Variants in DAPK1 observed in about 807,000 individuals in gnomAD.
The protein encoded by DAPK1 is death-associated protein kinase 1.
In DAPK1, 56 loss-of-function variants were observed where a neutral mutation model predicts 144.9. That is an observed-to-expected ratio of 0.39 (90% CI 0.31 to 0.48). The LOEUF is 0.48. DAPK1 is among the 20% of genes least tolerant of loss of function. DAPK1 has a pLI of 0.95. For synonymous variants in DAPK1, 690 were observed against 749.0 expected (o/e 0.92, Z 1.29); for missense variants, 1,454 against 1,875.4 (o/e 0.78, Z 4.15).
intron 2 of DAPK1, among the ~76,000 whole-genome samples, chr9:87,599,626 T>G (rs973363779): frequency 6.6e-6 from 1 of 152,240 alleles, no homozygotes; most frequent in Non-Finnish European, 1.5e-5. Flanking sequence ...GTGGAAAGTT[T>G]TTAATATTAA....
At chr9:87,682,836 C>T (rs896652324) in intron 20 of DAPK1, among the ~76,000 whole-genome samples, 12 of 152,078 alleles carry the variant, frequency 7.9e-5, no homozygotes, top group Non-Finnish European at 1.0e-4. Flanking sequence ...TTCTCTGAGG[C>T]GCACAGGTGG....
chr9:87,675,796 T>C (rs1477847037), intron 19 of DAPK1, among the ~76,000 whole-genome samples: 1 of 150,264 alleles, frequency 6.7e-6, no homozygotes, highest in Non-Finnish European at 1.5e-5. Flanking sequence ...TACTCCTGTG[T>C]AAATATTTAA....
chr9:87,670,942 T>C (rs903426020), intron 19 of DAPK1, among the ~76,000 whole-genome samples: 1 of 152,178 alleles, frequency 6.6e-6, no homozygotes, highest in Non-Finnish European at 1.5e-5. Flanking sequence ...CAATGGTCCC[T>C]TCTTTGACTT....
At chr9:87,565,014 A>T (rs1485729698) in intron 2 of DAPK1, among the ~76,000 whole-genome samples, 1 of 152,184 alleles carries the variant, frequency 6.6e-6, no homozygotes, top group East Asian at 1.9e-4. Context: ...TGTGTCTGGG[A>T]AAACACAGTG....
At chr9:87,679,642 T>C (rs749189623) in intron 19 of DAPK1, among the ~76,000 whole-genome samples, 9 of 152,206 alleles carry the variant, frequency 5.9e-5, no homozygotes, top group Non-Finnish European at 1.0e-4. Context: ...GGGCTGAATC[T>C]AGATTTTCCT....
intron 17 of DAPK1, among the ~76,000 whole-genome samples, chr9:87,653,410 G>C (rs1830525382): frequency 1.3e-5 from 2 of 152,204 alleles, no homozygotes; most frequent in African/African-American, 4.8e-5. Flanking sequence ...CATTTTACAT[G>C]TGACTTTTGA....
intron 22 of DAPK1, 147 bp from the exon 23 acceptor site, chr9:87,698,509 G>A: frequency 1.5e-6 from 1 of 660,026 alleles, no homozygotes; most frequent in Non-Finnish European, 2.7e-6. Context: ...TGCACAGCAG[G>A]CGTGGGGCCT....
intron 3 of DAPK1, among the ~76,000 whole-genome samples, chr9:87,635,989 C>G (rs1430187496): frequency 1.3e-5 from 2 of 152,244 alleles, no homozygotes; most frequent in Non-Finnish European, 2.9e-5. Context: ...CTTTTTCCCC[C>G]CTATAGTTGA....
intron 21 of DAPK1, among the ~76,000 whole-genome samples, chr9:87,693,841 G>A (rs1235474458): frequency 6.6e-6 from 1 of 152,146 alleles, no homozygotes; most frequent in East Asian, 1.9e-4. Flanking sequence ...AGCAGCTCCA[G>A]TGGTGCCTGT....
intron 10 of DAPK1, among the ~76,000 whole-genome samples, 169 bp from the exon 11 acceptor site, chr9:87,643,207 G>A (rs1176076256): frequency 6.6e-6 from 1 of 152,122 alleles, no homozygotes; most frequent in Non-Finnish European, 1.5e-5. Flanking sequence ...CCATTCTGCT[G>A]TAGGATTGCC....
chr9:87,698,629 C>T lies in DAPK1; in HGVS notation c.2612-27C>T, dbSNP rs993616007. On this transcript the variant is annotated intron_variant, in intron 22 of 25. Coordinates refer to ENST00000408954, the MANE Select transcript of DAPK1 (RefSeq NM_004938.4). ...GCAGCCAGGTAGGAGGACCCACCCC[C>T]TGAAGCAGTTCCCTCTCTGCCCCCA... The T allele has an allele frequency of 2.0e-5, 31 of 1,559,740 alleles. No homozygotes were observed. The Admixed American group carries it at 3.4e-4, about 17-fold the overall frequency.
chr9:87,652,729 A>C (rs1449281128), intron 17 of DAPK1, among the ~76,000 whole-genome samples: 5 of 113,602 alleles, frequency 4.4e-5, no homozygotes, highest in African/African-American at 1.1e-4. Context: ...GTGTCCTCCC[A>C]CCTGATCCCG....
At chr9:87,578,872 T>C (rs1017122354) in intron 2 of DAPK1, among the ~76,000 whole-genome samples, 7 of 152,232 alleles carry the variant, frequency 4.6e-5, no homozygotes, top group Non-Finnish European at 1.0e-4. Flanking sequence ...TCTTGGGATT[T>C]GAGGCCATCT....
chr9:87,621,801 G>T (rs1829302880), intron 3 of DAPK1, among the ~76,000 whole-genome samples: 1 of 152,076 alleles, frequency 6.6e-6, no homozygotes, highest in South Asian at 2.1e-4. Flanking sequence ...ACACTGTTGA[G>T]CACCCCTCTC....
intron 3 of DAPK1, among the ~76,000 whole-genome samples, chr9:87,610,181 G>T (rs1024088587): frequency 3.3e-5 from 5 of 152,204 alleles, no homozygotes; most frequent in Non-Finnish European, 4.4e-5. Context: ...CTTCACTGGA[G>T]AATCATTCAC....
chr9:87,608,049 A>G (rs574972707), intron 3 of DAPK1, among the ~76,000 whole-genome samples: 42 of 152,100 alleles, frequency 2.8e-4, no homozygotes, highest in Non-Finnish European at 3.8e-4. Flanking sequence ...AGTGCTACAC[A>G]CTTTGAGACA....
At chr9:87,535,555 T>C (rs532157076) in intron 2 of DAPK1, among the ~76,000 whole-genome samples, 1 of 152,308 alleles carries the variant, frequency 6.6e-6, no homozygotes, top group Admixed American at 6.5e-5. Flanking sequence ...TTTAATGTAA[T>C]ACTGTCTATA....
chr9:87,640,294 A>T lies in DAPK1; in HGVS notation c.630-4A>T. On this transcript the variant is annotated splice_region_variant and splice_polypyrimidine_tract_variant and intron_variant, in intron 7 of 25. Transcript: ENST00000408954. ...TGTTCTATGCCCAACTTTATTTTTAACAGCCTAAGTGGGGCCTCCCCATTT... is the reference window on the plus strand; with the variant it reads ...TGTTCTATGCCCAACTTTATTTTTATCAGCCTAAGTGGGGCCTCCCCATTT... 6.2e-7 allele frequency: 1 copy of T among 1,611,272 alleles called. No homozygotes were observed. Among genetic ancestry groups the T allele is most frequent in the Non-Finnish European group, 8.5e-7 (1 of 1,178,894 alleles).
intron 2 of DAPK1, among the ~76,000 whole-genome samples, chr9:87,540,406 G>T (rs776932438): frequency 6.6e-6 from 1 of 152,024 alleles, no homozygotes; most frequent in African/African-American, 2.4e-5. Context: ...GGCCAGGCTG[G>T]TCTCGAACTC....
Sources: allele counts gnomAD v4.1 joint callset (sites outside exome capture counted in the v4.1 genomes callset), GRCh38; gene constraint gnomAD v4.1.1; transcripts MANE v1.5; gene names NCBI Gene and HGNC (gene_info 2026-07-23, HGNC 2026-07-21).